Variants in TMCC1 observed in about 807,000 individuals in gnomAD.
TMCC1 encodes the protein transmembrane and coiled-coil domains protein 1.
Under a neutral mutation model 52.4 loss-of-function variants are expected in TMCC1, and 15 were observed. The ratio of observed to expected loss-of-function variants is 0.29; its 90% confidence interval spans 0.19 to 0.44. The LOEUF (loss-of-function observed/expected upper bound fraction) is 0.44, where lower values mean the gene tolerates loss of function less well. Ranked by LOEUF, TMCC1 falls within the 20% of genes least tolerant of loss-of-function variation. The pLI is 1.00. For synonymous variants in TMCC1, 279 were observed against 301.9 expected, an observed-to-expected ratio of 0.92 and a Z score of 0.79; for missense variants, 503 against 806.0, an observed-to-expected ratio of 0.62 and a Z score of 4.55.
chr3:129,712,087 G>T (rs948210651), intron 4 of TMCC1, among the ~76,000 whole-genome samples: 1 of 151,110 alleles, frequency 6.6e-6, no homozygotes, highest in African/African-American at 2.4e-5. Flanking sequence ...TGAGGCAGGA[G>T]AATCACTTGA....
At chr3:129,667,220 TAAAAAAAAAAAAA>T (rs1202933776) in intron 5 of TMCC1, among the ~76,000 whole-genome samples, 9 of 85,804 alleles carry the variant, frequency 1.0e-4, no homozygotes, top group Non-Finnish European at 1.6e-4. Flanking sequence ...CCCTGACTCT[TAAAAAAAAAAAAA>T]AAAAAAAAAA....
rs144156694 is a variant in TMCC1 at position 129,735,148 on chromosome 3, G to A, written c.577-63884C>T. 5.9e-5 allele frequency among the ~76,000 whole-genome samples: 9 copies of A among 152,148 alleles called. No individual in the cohort carries two copies. In the East Asian group the frequency reaches 1.5e-3, roughly 26 times the overall value. The stretch of plus-strand genomic sequence containing the variant: ...TATCTCCTGACCTCATGACCCGCCC[G>A]CCTTGGCCTCCCAAAGTGTTGGGAT... On this transcript the variant is annotated intron_variant, in intron 4 of 6. Transcript: ENST00000393238.
At chr3:129,884,627 C>T (rs1312156091) in intron 1 of TMCC1, among the ~76,000 whole-genome samples, 1 of 152,232 alleles carries the variant, frequency 6.6e-6, no homozygotes, top group South Asian at 2.1e-4. Context: ...CTCTAAAGTA[C>T]AAGCTATTTG....
intron 4 of TMCC1, among the ~76,000 whole-genome samples, chr3:129,763,979 T>C (rs954501569): frequency 3.3e-5 from 5 of 151,986 alleles, no homozygotes; most frequent in Non-Finnish European, 7.4e-5. Context: ...TAAGAATATA[T>C]GTATTATGTA....
chr3:129,796,254 A>G (rs2056813670), intron 4 of TMCC1, among the ~76,000 whole-genome samples: 1 of 152,226 alleles, frequency 6.6e-6, no homozygotes, highest in African/African-American at 2.4e-5. Flanking sequence ...TAGGAGCAAC[A>G]GGCTATACCA....
At chr3:129,831,965 C>T (rs1293076262) in intron 3 of TMCC1, among the ~76,000 whole-genome samples, 1 of 152,156 alleles carries the variant, frequency 6.6e-6, no homozygotes, top group African/African-American at 2.4e-5. Flanking sequence ...AGCAATTCTC[C>T]TACCTCTGCC....
At chr3:129,675,374 T>A (rs1258088708) in intron 4 of TMCC1, among the ~76,000 whole-genome samples, 3 of 152,220 alleles carry the variant, frequency 2.0e-5, no homozygotes, top group African/African-American at 7.2e-5. Context: ...GCAAGTTATT[T>A]AGACAAGTTA....
At chr3:129,759,607 A>C (rs1318796219) in intron 4 of TMCC1, among the ~76,000 whole-genome samples, 1 of 137,618 alleles carries the variant, frequency 7.3e-6, no homozygotes, top group East Asian at 2.1e-4. Flanking sequence ...TTTAAGAGAC[A>C]TGTTGCCCAG....
In TMCC1 at chr3:129,872,916, AT is replaced by A. The variant is rs1359318304; in HGVS notation, c.-184+7392del. Among the ~76,000 whole-genome samples, 505 of 143,564 alleles carry A rather than the reference AT, an allele frequency of 3.5e-3. 1 individual carries two copies. Among genetic ancestry groups the A allele is most frequent in the Middle Eastern group, 3.7e-3 (1 of 270 alleles). The allele number at this position is 143,564 out of a possible 152,430, so 94.2% of individuals were successfully genotyped here. ...GATATATATTTTGTCTACGCATGGAATTTTTTTTTTTTTTTTTGAGATCCGG... is the reference window on the plus strand; with the variant it reads ...GATATATATTTTGTCTACGCATGGAATTTTTTTTTTTTTTTTGAGATCCGG... On this transcript the variant is annotated intron_variant, in intron 2 of 6. Transcript: ENST00000393238.
chr3:129,826,975 G>GT (rs1414847164), intron 4 of TMCC1, among the ~76,000 whole-genome samples: 12 of 151,966 alleles, frequency 7.9e-5, no homozygotes, highest in Non-Finnish European at 1.3e-4. Flanking sequence ...TAGATTTCCA[G>GT]TTTCTCTTGA....
At chr3:129,778,797 A>G (rs541844425) in intron 4 of TMCC1, among the ~76,000 whole-genome samples, 1 of 152,224 alleles carries the variant, frequency 6.6e-6, no homozygotes, top group East Asian at 1.9e-4. Context: ...CATGTGAAGA[A>G]GGATGTGTTT....
intron 2 of TMCC1, among the ~76,000 whole-genome samples, chr3:129,879,691 G>A (rs1157390084): frequency 1.3e-5 from 2 of 152,170 alleles, no homozygotes; most frequent in Non-Finnish European, 2.9e-5. Flanking sequence ...TGGGACTGAA[G>A]TCTCAATTTT....
intron 3 of TMCC1, among the ~76,000 whole-genome samples, chr3:129,831,630 T>C (rs887731354): frequency 1.2e-4 from 18 of 152,176 alleles, no homozygotes; most frequent in Admixed American, 3.9e-4. Flanking sequence ...TGTAGGCCAA[T>C]AGAAAATCTT....
At chr3:129,789,528 T>A (rs1211361002) in intron 4 of TMCC1, among the ~76,000 whole-genome samples, 1 of 152,224 alleles carries the variant, frequency 6.6e-6, no homozygotes, top group African/African-American at 2.4e-5. Context: ...TCGCCCAGGC[T>A]AGAGTGCAGT....
In TMCC1 at chr3:129,738,382, G is replaced by A. The variant is rs370007261; in HGVS notation, c.577-67118C>T. Reference sequence around the variant, plus strand: ...GTTTCAAAAGGCACTCTACTCAGGCGTCACGTTAATTAGGAAGCAGTATTC... The same window carrying A: ...GTTTCAAAAGGCACTCTACTCAGGCATCACGTTAATTAGGAAGCAGTATTC... On this transcript the variant is annotated intron_variant, in intron 4 of 6. Coordinates refer to ENST00000393238, the MANE Select transcript of TMCC1 (RefSeq NM_001017395.5). Among the ~76,000 whole-genome samples the A allele has an allele frequency of 4.6e-5, 7 of 152,042 alleles. No individual in the cohort carries two copies. In the East Asian group the frequency reaches 7.7e-4, roughly 17 times the overall value.
chr3:129,838,658 C>CA (rs1323479991), intron 2 of TMCC1, among the ~76,000 whole-genome samples: 1 of 138,386 alleles, frequency 7.2e-6, no homozygotes, highest in Non-Finnish European at 1.5e-5. Context: ...GAGGCTGAGG[C>CA]AGGAGAATCA....
At chr3:129,682,568 G>C (rs1349363458) in intron 4 of TMCC1, among the ~76,000 whole-genome samples, 1 of 152,120 alleles carries the variant, frequency 6.6e-6, no homozygotes, top group Non-Finnish European at 1.5e-5. Context: ...AGATTTAACT[G>C]TGATACCCTC....
chr3:129,687,915 A>G (rs2089524152), intron 4 of TMCC1, among the ~76,000 whole-genome samples: 1 of 152,248 alleles, frequency 6.6e-6, no homozygotes, highest in Non-Finnish European at 1.5e-5. Context: ...AAAGAAAAGA[A>G]AAGAGGTTTG....
chr3:129,683,647 G>A (rs2089184790), intron 4 of TMCC1, among the ~76,000 whole-genome samples: 1 of 152,166 alleles, frequency 6.6e-6, no homozygotes, highest in African/African-American at 2.4e-5. Context: ...ATATTGTACA[G>A]AGGTGAACTC....
Sources: gnomAD v4.1 joint callset for allele counts (sites outside exome capture counted in the v4.1 genomes callset) on GRCh38, gnomAD v4.1.1 for gene constraint, MANE v1.5 for transcripts, NCBI Gene and HGNC (gene_info 2026-07-23, HGNC 2026-07-21) for gene names.